MACROD2: variants seen among roughly 807,000 people sequenced by gnomAD.
The protein encoded by MACROD2 is ADP-ribose glycohydrolase MACROD2.
In MACROD2, 36 loss-of-function variants were observed where a neutral mutation model predicts 70.4. The ratio of observed to expected loss-of-function variants is 0.51; its 90% CI spans 0.39 to 0.68. MACROD2 has a LOEUF of 0.68. Among genes scored for constraint, MACROD2 ranks in the 30% least tolerant of loss-of-function variants. The pLI is 0.00. For synonymous variants in MACROD2, 172 were observed against 178.8 expected (o/e 0.96, Z 0.30); for missense variants, 496 against 538.4 (o/e 0.92, Z 0.78).
chr20:15,592,001 G>A (rs1175512651), intron 8 of MACROD2, among the ~76,000 whole-genome samples: 1 of 152,160 alleles, frequency 6.6e-6, no homozygotes, highest in African/African-American at 2.4e-5. Flanking sequence ...CCTGTTGATC[G>A]ATTCAATGTA....
chr20:14,784,374 C>A (rs931717573), intron 5 of MACROD2, among the ~76,000 whole-genome samples: 2 of 152,084 alleles, frequency 1.3e-5, no homozygotes, highest in African/African-American at 4.8e-5. Context: ...CTATTGCAGT[C>A]CTTCTCCAAG....
rs1261817554 is a variant in MACROD2, at chr20:14,471,075, G to A, written c.272-22404G>A. On this transcript the variant is annotated intron_variant, in intron 3 of 17. Transcript: ENST00000684519. Reference sequence around the variant, plus strand: ...GTGTAGGCACCTGAGGGAATCTCCTGGTCTGTGGGTTTCTATGACCATGGG... The same window carrying A: ...GTGTAGGCACCTGAGGGAATCTCCTAGTCTGTGGGTTTCTATGACCATGGG... 3.3e-5 allele frequency among the ~76,000 whole-genome samples: 5 copies of A among 152,178 alleles called. No homozygotes were observed. The South Asian group carries it at 1.0e-3, about 32-fold the overall frequency.
chr20:16,046,036 C>T (rs1284444922), intron 17 of MACROD2, among the ~76,000 whole-genome samples: 1 of 152,066 alleles, frequency 6.6e-6, no homozygotes. Context: ...AATCATGGGT[C>T]ATCTAGTGTA....
At chr20:15,830,636 G>A (rs936029657) in intron 8 of MACROD2, among the ~76,000 whole-genome samples, 1 of 152,212 alleles carries the variant, frequency 6.6e-6, no homozygotes, top group African/African-American at 2.4e-5. Flanking sequence ...CCTCTTTTGT[G>A]TGTGAGCTTG....
intron 2 of MACROD2, among the ~76,000 whole-genome samples, chr20:14,008,875 A>C (rs1735000474): frequency 6.6e-6 from 1 of 152,202 alleles, no homozygotes; most frequent in Admixed American, 6.5e-5. Context: ...TGGAGAAAGG[A>C]TTCTCTATTT....
At chr20:15,926,702 G>T (rs1243637003) in intron 10 of MACROD2, among the ~76,000 whole-genome samples, 2 of 152,076 alleles carry the variant, frequency 1.3e-5, no homozygotes, top group African/African-American at 4.8e-5. Context: ...GAGGGGTCAG[G>T]CAATGCAAAG....
At chr20:15,757,578 G>A (rs1429997746) in intron 8 of MACROD2, among the ~76,000 whole-genome samples, 1 of 152,160 alleles carries the variant, frequency 6.6e-6, no homozygotes, top group Non-Finnish European at 1.5e-5. Flanking sequence ...ATACCTCCAT[G>A]AGTGTCTTAG....
chr20:15,849,096 G>C (rs575844824), intron 8 of MACROD2, among the ~76,000 whole-genome samples: 1 of 152,148 alleles, frequency 6.6e-6, no homozygotes, highest in Non-Finnish European at 1.5e-5. Context: ...AGGCACAGAT[G>C]TAACTCACCA....
At chr20:14,257,054 G>A (rs1335353371) in intron 3 of MACROD2, among the ~76,000 whole-genome samples, 1 of 151,964 alleles carries the variant, frequency 6.6e-6, no homozygotes, top group Non-Finnish European at 1.5e-5. Flanking sequence ...CATTACAAGG[G>A]AGACAATATT....
chr20:15,733,112 C>T (rs2050969137), intron 8 of MACROD2, among the ~76,000 whole-genome samples: 1 of 152,004 alleles, frequency 6.6e-6, no homozygotes, highest in Admixed American at 6.5e-5. Context: ...TTTTCAATCC[C>T]TTTCATCTAA....
intron 5 of MACROD2, among the ~76,000 whole-genome samples, chr20:14,685,803 T>C (rs1207002528): frequency 1.3e-5 from 2 of 152,334 alleles, no homozygotes; most frequent in South Asian, 2.1e-4. Context: ...ATACATTTTA[T>C]GTAAAAGTGA....
At chr20:14,971,941 C>A (rs1243136974) in intron 5 of MACROD2, among the ~76,000 whole-genome samples, 1 of 152,284 alleles carries the variant, frequency 6.6e-6, no homozygotes, top group South Asian at 2.1e-4. Context: ...TTCACCCGGG[C>A]AAGCTTCTAG....
chr20:16,000,663 G>A (rs150176609), intron 15 of MACROD2, among the ~76,000 whole-genome samples: 78 of 152,202 alleles, frequency 5.1e-4, no homozygotes, highest in East Asian at 1.5e-3. Context: ...CTACTTTCCC[G>A]CGAACTGATC....
At chr20:14,229,171 T>G (rs759825174) in intron 3 of MACROD2, among the ~76,000 whole-genome samples, 15 of 152,190 alleles carry the variant, frequency 9.9e-5, no homozygotes, top group Non-Finnish European at 1.8e-4. Context: ...CTGATGAGCT[T>G]CTTTTAGATA....
chr20:14,658,108 T>G (rs759212166), intron 4 of MACROD2, among the ~76,000 whole-genome samples: 2 of 152,206 alleles, frequency 1.3e-5, no homozygotes, highest in Admixed American at 6.5e-5. Context: ...AATAAACAGT[T>G]TCACTTCTAA....
chr20:14,369,707 C>A (rs951637003), intron 3 of MACROD2, among the ~76,000 whole-genome samples: 2 of 152,114 alleles, frequency 1.3e-5, no homozygotes, highest in Non-Finnish European at 2.9e-5. Flanking sequence ...TTCCTATTTA[C>A]CTTTTTTCTC....
chr20:15,987,068 C>G lies in MACROD2; in HGVS notation c.1063C>G (p.Leu355Val). 7.5e-6 allele frequency: 12 copies of G among 1,608,558 alleles called. No individual in the cohort carries two copies. Among genetic ancestry groups the G allele is most frequent in the Non-Finnish European group, 1.0e-5 (12 of 1,178,558 alleles). ...TCCATCTGTCTCATTCTATTTAGAA[C>G]TTTCATCAAACCAAGAAGATGCCGT... ...SQSSYMETEELSSNQEDAVIV... is the reference protein window; with the variant it reads ...SQSSYMETEEVSSNQEDAVIV... The change falls in exon 15 of 18, where the codon CTT (leucine) becomes GTT (valine). Residue 355 changes from leucine (L) to valine (V), a missense_variant and splice_region_variant. Coordinates refer to ENST00000684519, the MANE Select transcript of MACROD2 (RefSeq NM_001351661.2).
chr20:15,501,288 C>T (rs771565500), intron 8 of MACROD2, among the ~76,000 whole-genome samples: 2 of 152,210 alleles, frequency 1.3e-5, no homozygotes, highest in South Asian at 2.1e-4. Context: ...ACTGAGCAAG[C>T]GTATCAGTGC....
chr20:15,389,758 C>T (rs1390787558), intron 6 of MACROD2, among the ~76,000 whole-genome samples: 3 of 152,152 alleles, frequency 2.0e-5, no homozygotes, highest in African/African-American at 7.2e-5. Context: ...GCTCAGTTCT[C>T]TTCTTGGCCC....
Sources: allele counts gnomAD v4.1 joint callset (sites outside exome capture counted in the v4.1 genomes callset), GRCh38; gene constraint gnomAD v4.1.1; transcripts MANE v1.5; gene names NCBI Gene and HGNC (gene_info 2026-07-23, HGNC 2026-07-21).